Variants in FBXL2 observed in about 807,000 individuals in gnomAD.
FBXL2 encodes the protein F-box/LRR-repeat protein 2.
In FBXL2, 38 loss-of-function variants were observed where a neutral mutation model predicts 69.2. That is an observed-to-expected ratio of 0.55 (90% CI 0.42 to 0.72). The LOEUF (loss-of-function observed/expected upper bound fraction) is 0.72, where lower values mean the gene tolerates loss of function less well. Ranked by LOEUF, FBXL2 falls within the 30% of genes least tolerant of loss-of-function variation. The probability of loss-of-function intolerance (pLI) is 0.00; values close to 1 mark genes in which losing one functional copy is unlikely to be tolerated. For missense variants in FBXL2, 354 were observed against 520.3 expected (o/e 0.68, Z 3.11); for synonymous variants, 192 against 201.3 (o/e 0.95, Z 0.39).
chr3:33,373,020 G>A (rs759360953), intron 5 of FBXL2, 72 bp from the exon 6 acceptor site: 28 of 1,289,632 alleles, frequency 2.2e-5, no homozygotes, highest in Non-Finnish European at 3.1e-5. Flanking sequence ...TTCTAAGCGT[G>A]AATGGTTTCA....
chr3:33,368,913 A>G (rs899006861), intron 5 of FBXL2, among the ~76,000 whole-genome samples: 8 of 151,578 alleles, frequency 5.3e-5, no homozygotes, highest in African/African-American at 1.9e-4. Flanking sequence ...CAATATGACA[A>G]TCTTTGCTTT....
intron 1 of FBXL2, among the ~76,000 whole-genome samples, chr3:33,297,054 T>C (rs2035814766): frequency 6.6e-6 from 1 of 152,198 alleles, no homozygotes; most frequent in Non-Finnish European, 1.5e-5. Context: ...ATTTAAGCCT[T>C]CTTTAATTTT....
chr3:33,337,282 A>G (rs1174037970), intron 2 of FBXL2, among the ~76,000 whole-genome samples: 1 of 152,168 alleles, frequency 6.6e-6, no homozygotes, highest in Non-Finnish European at 1.5e-5. Flanking sequence ...CAAAGTGCTC[A>G]TATCCAAAAG....
At chr3:33,421,155 GA>G in the FBXL2 span, among the ~76,000 whole-genome samples, 1 of 152,186 alleles carries the variant, frequency 6.6e-6, no homozygotes, top group Non-Finnish European at 1.5e-5. Context: ...TGCCCAAAGG[GA>G]AAGCCAGCTA....
At chr3:33,305,428 A>G (rs902097197) in intron 2 of FBXL2, among the ~76,000 whole-genome samples, 5 of 151,828 alleles carry the variant, frequency 3.3e-5, no homozygotes, top group African/African-American at 7.2e-5. Flanking sequence ...TTATGAGTCT[A>G]TTTCTAGTAT....
At position 33,383,984 on chromosome 3, in the gene FBXL2, T is replaced by TC. The variant is rs780395240; in HGVS notation, c.952-3dup. 1 of 1,613,710 alleles carries TC rather than the reference T, an allele frequency of 6.2e-7. No individual in the cohort carries two copies. The highest frequency in any genetic ancestry group is 1.3e-5 in the African/African-American group (1 of 74,908). On this transcript the variant is annotated splice_region_variant and splice_polypyrimidine_tract_variant and intron_variant, in intron 13 of 14. Transcript: ENST00000484457. ...CAAACATTTACTCATGTCTTCCTGT[T>TC]CCAGAGCCTGTCCCACTGTGAACTC...
chr3:33,341,703 G>T (rs953172841), intron 2 of FBXL2, among the ~76,000 whole-genome samples: 5 of 151,854 alleles, frequency 3.3e-5, no homozygotes, highest in Admixed American at 3.3e-4. Context: ...GGTGGTGGGT[G>T]CCTGTAATTC....
chr3:33,333,777 C>G (rs1196161350), intron 2 of FBXL2, among the ~76,000 whole-genome samples: 2 of 152,188 alleles, frequency 1.3e-5, no homozygotes, highest in Non-Finnish European at 2.9e-5. Flanking sequence ...ACCCCACCAA[C>G]CCATAGAGAT....
intron 2 of FBXL2, among the ~76,000 whole-genome samples, chr3:33,321,546 C>A (rs1170791498): frequency 5.3e-5 from 8 of 152,096 alleles, no homozygotes; most frequent in Admixed American, 5.2e-4. Flanking sequence ...GATGAAGATT[C>A]TTTTATACAG....
chr3:33,409,858 G>A, the FBXL2 span, among the ~76,000 whole-genome samples: 2 of 152,132 alleles, frequency 1.3e-5, no homozygotes, highest in Non-Finnish European at 2.9e-5. Context: ...CAGGACTTGG[G>A]TCCAATCAGG....
rs1377549028 is a variant in FBXL2, at chr3:33,306,053, T to A, written c.65+8328T>A. ...GTTTCCATTCATGTCTCTGTAAAAA[T>A]TTTTTCTTTGCGTTTTATTCTGTTT... On this transcript the variant is annotated intron_variant, in intron 2 of 14. Coordinates refer to ENST00000484457, the MANE Select transcript of FBXL2 (RefSeq NM_012157.5). Among the ~76,000 whole-genome samples the A allele has an allele frequency of 2.0e-5, 3 of 152,004 alleles. No homozygotes were observed. In the East Asian group the frequency reaches 5.8e-4, roughly 29 times the overall value.
intron 2 of FBXL2, among the ~76,000 whole-genome samples, chr3:33,326,142 A>T (rs1432037433): frequency 6.6e-6 from 1 of 152,208 alleles, no homozygotes; most frequent in African/African-American, 2.4e-5. Flanking sequence ...TCACACTCTG[A>T]GATAACAAAT....
chr3:33,350,610 T>C (rs952103559), intron 2 of FBXL2, among the ~76,000 whole-genome samples: 4 of 151,912 alleles, frequency 2.6e-5, no homozygotes, highest in Non-Finnish European at 4.4e-5. Context: ...TTTTTTTGTA[T>C]TTTTTAGTAG....
chr3:33,366,322 A>G (rs111445013), intron 5 of FBXL2, among the ~76,000 whole-genome samples: 2,021 of 152,210 alleles, frequency 0.013, 19 homozygotes, highest in South Asian at 0.026. Flanking sequence ...TGGTGTAGGT[A>G]TCAAGGTAAT....
chr3:33,300,487 A>G (rs1173056737), intron 2 of FBXL2: 2 of 152,214 alleles, frequency 1.3e-5, no homozygotes, highest in African/African-American at 2.4e-5. Flanking sequence ...ATGTCTCTTC[A>G]TAGACTTATG....
chr3:33,379,719 G>A (rs1251537236), intron 13 of FBXL2, among the ~76,000 whole-genome samples: 4 of 150,658 alleles, frequency 2.7e-5, no homozygotes, highest in South Asian at 4.2e-4. Context: ...ACTACAGACC[G>A]ATATTCCTCA....
downstream of FBXL2, among the ~76,000 whole-genome samples, chr3:33,407,731 C>T (rs1001595194): frequency 1.2e-4 from 18 of 152,234 alleles, no homozygotes; most frequent in African/African-American, 4.3e-4. Context: ...TACATTTAAC[C>T]ACAGCAATTG....
intron 2 of FBXL2, among the ~76,000 whole-genome samples, chr3:33,353,096 T>A (rs978163812): frequency 1.3e-5 from 2 of 152,198 alleles, no homozygotes; most frequent in African/African-American, 4.8e-5. Context: ...ACTGTATACC[T>A]ATTAGAATGG....
At chr3:33,296,207 A>G (rs2035736781) in intron 1 of FBXL2, among the ~76,000 whole-genome samples, 1 of 152,126 alleles carries the variant, frequency 6.6e-6, no homozygotes, top group African/African-American at 2.4e-5. Flanking sequence ...CTGGGCCTAC[A>G]GGCATGCACC....
Sources: allele counts gnomAD v4.1 joint callset (sites outside exome capture counted in the v4.1 genomes callset), GRCh38; gene constraint gnomAD v4.1.1; transcripts MANE v1.5; gene names NCBI Gene and HGNC (gene_info 2026-07-23, HGNC 2026-07-21).